Variants in HEPH observed in about 807,000 individuals in gnomAD.
HEPH encodes hephaestin.
HEPH carries 69 observed loss-of-function variants against 80.8 expected under a neutral mutation model. The observed-to-expected ratio is 0.85, with a 90% confidence interval of 0.70 to 1.04. The LOEUF is 1.04. Among genes scored for constraint, HEPH ranks in the 50% least tolerant of loss-of-function variants. The pLI is 0.00. For synonymous variants in HEPH, 431 were observed against 322.8 expected (o/e 1.34, Z -3.60); for missense variants, 1,115 against 891.3 (o/e 1.25, Z -3.20).
intron 10 of HEPH, among the ~76,000 whole-genome samples, chrX:66,198,650 A>T (rs749927688): frequency 9.1e-6 from 1 of 110,152 alleles, no homozygotes; most frequent in Admixed American, 9.7e-5. Context: ...GCCCACTTTC[A>T]TACAGTCTTC....
intron 6 of HEPH, among the ~76,000 whole-genome samples, chrX:66,190,725 G>A (rs2087743645): frequency 8.9e-6 from 1 of 111,796 alleles, no homozygotes; most frequent in Non-Finnish European, 1.9e-5. Flanking sequence ...TACTTGAAGT[G>A]GATTTTAGTA....
At chrX:66,245,306 CA>C (rs755434687) in intron 15 of HEPH, among the ~76,000 whole-genome samples, 1 of 110,246 alleles carries the variant, frequency 9.1e-6, no homozygotes, top group Non-Finnish European at 1.9e-5. Context: ...AAATGGAAAA[CA>C]AAAAAAGGCA....
intron 15 of HEPH, among the ~76,000 whole-genome samples, chrX:66,238,324 C>T (rs2090439666): frequency 9.0e-6 from 1 of 111,198 alleles, no homozygotes; most frequent in Non-Finnish European, 1.9e-5. Context: ...GAGCAAATTC[C>T]CTTGACATTT....
At chrX:66,238,770 TGA>T (rs1458757562) in intron 15 of HEPH, among the ~76,000 whole-genome samples, 1 of 111,901 alleles carries the variant, frequency 8.9e-6, no homozygotes, top group East Asian at 2.8e-4. Context: ...CCTTCAGAGC[TGA>T]GAGCCCCAAA....
At chrX:66,260,385 C>T in intron 19 of HEPH, 123 bp downstream of exon 19, 2 of 505,739 alleles carry the variant, frequency 4.0e-6, no homozygotes, top group Non-Finnish European at 6.5e-6. Context: ...GGTCTTAAGG[C>T]AGAGCATAGC....
intron 15 of HEPH, among the ~76,000 whole-genome samples, chrX:66,239,660 C>A (rs1320724070): frequency 2.7e-5 from 3 of 111,712 alleles, no homozygotes; most frequent in Non-Finnish European, 5.6e-5. Context: ...TAGACCCTGA[C>A]CTCATAGAGC....
At chrX:66,210,689 A>C (rs1241739827) in intron 15 of HEPH, among the ~76,000 whole-genome samples, 1 of 111,775 alleles carries the variant, frequency 8.9e-6, no homozygotes, top group Non-Finnish European at 1.9e-5. Flanking sequence ...TAATGGCTTA[A>C]ACAAAGGTAA....
At chrX:66,235,760 A>T (rs2090334878) in intron 15 of HEPH, among the ~76,000 whole-genome samples, 2 of 112,177 alleles carry the variant, frequency 1.8e-5, no homozygotes, top group Admixed American at 1.9e-4. Flanking sequence ...TGATAGGAAT[A>T]GCATTGAATC....
At position 66,197,885 on chromosome X, in the gene HEPH, TG is replaced by T; in HGVS notation, c.1706del (p.Gly569AlafsTer102). On this transcript the variant is annotated frameshift_variant, in exon 10 of 21. Transcript: ENST00000343002. LOFTEE classifies it high-confidence loss of function. ...VCRAGALGAD[G>X]KQKGVDKEFF... Reference sequence around the variant, plus strand: ...GCAGGGCTGGTGCCTTGGGTGCAGATGGCAAGCAGGTATTGTCAGGGTTATC... The same window carrying T: ...GCAGGGCTGGTGCCTTGGGTGCAGATGCAAGCAGGTATTGTCAGGGTTATC... The T allele has an allele frequency of 5.0e-6, 6 of 1,195,587 alleles. No individual in the cohort carries two copies. Among genetic ancestry groups the T allele is most frequent in the Non-Finnish European group, 6.8e-6 (6 of 886,943 alleles).
chrX:66,217,430 A>G (rs923259207), intron 15 of HEPH, among the ~76,000 whole-genome samples: 2 of 111,631 alleles, frequency 1.8e-5, no homozygotes, highest in African/African-American at 3.3e-5. Context: ...AACCAGCAAA[A>G]CTAAGCTTCG....
In HEPH at chrX:66,173,785, C is replaced by T; in HGVS notation, c.609C>T (p.Leu203=). 1 of 1,187,270 alleles carries T rather than the reference C, an allele frequency of 8.4e-7. No individual in the cohort carries two copies. Residue 203 remains leucine, a synonymous_variant, in exon 4 of 21, where the codon CTC becomes CTT. Coordinates refer to ENST00000343002, the MANE Select transcript of HEPH (RefSeq NM_001367233.3). ...TTGCAACTGGCCTAATTGGGCCTCT[C>T]ATCACCTGTAAAAGAGGTACAGGTC... The part of the protein sequence containing the change: ...RDIATGLIGP[L]ITCKRGALDG...
intron 12 of HEPH, 54 bp downstream of exon 12, chrX:66,200,806 T>C: frequency 1.0e-6 from 1 of 1,004,678 alleles, no homozygotes; most frequent in Non-Finnish European, 1.4e-6. Flanking sequence ...GGGCCAGGAA[T>C]GGGGTCGGGA....
chrX:66,236,451 C>A (rs1174324146), intron 15 of HEPH, among the ~76,000 whole-genome samples: 1 of 111,474 alleles, frequency 9.0e-6, no homozygotes, highest in East Asian at 2.8e-4. Context: ...ATCTTGCATC[C>A]CAGGGATAAA....
At chrX:66,170,297 T>C in intron 1 of HEPH, 1 of 264,289 alleles carries the variant, frequency 3.8e-6, no homozygotes, top group Non-Finnish European at 6.8e-6. Flanking sequence ...TTGAAAAAAC[T>C]GGATCCAGAT....
intron 15 of HEPH, among the ~76,000 whole-genome samples, chrX:66,245,352 T>A (rs1316351246): frequency 2.7e-5 from 3 of 111,305 alleles, no homozygotes; most frequent in African/African-American, 9.8e-5. Context: ...AAAACAGACT[T>A]TCAACCAACA....
chrX:66,254,300 A>G lies in HEPH; in HGVS notation c.2564-735A>G, dbSNP rs970708846. 3.6e-4 allele frequency among the ~76,000 whole-genome samples: 40 copies of G among 111,264 alleles called. 1 individual carries two copies. The Middle Eastern group carries it at 0.014, about 38-fold the overall frequency. On this transcript the variant is annotated intron_variant, in intron 15 of 20. Coordinates refer to ENST00000343002, the MANE Select transcript of HEPH (RefSeq NM_001367233.3). The stretch of plus-strand genomic sequence containing the variant: ...AAAATATAGGGTAGAGGTATAATCA[A>G]TAAGACCTGCCATTTGGTTAGATGT...
intron 9 of HEPH, among the ~76,000 whole-genome samples, chrX:66,196,433 A>G (rs1032975405): frequency 1.8e-5 from 2 of 112,172 alleles, no homozygotes; most frequent in African/African-American, 6.5e-5. Context: ...ATGAATGAAT[A>G]AGGAAAGGTA....
chrX:66,220,723 C>A (rs2089608094), intron 15 of HEPH, among the ~76,000 whole-genome samples: 1 of 111,190 alleles, frequency 9.0e-6, no homozygotes, highest in South Asian at 3.9e-4. Context: ...CTTGTTTGGG[C>A]ACCCCTTTTT....
Position 66,164,266 on chromosome X carries a change from T to C in HEPH, c.-218T>C. 1 of 753,705 alleles carries C rather than the reference T, an allele frequency of 1.3e-6. No individual in the cohort carries two copies. The highest frequency in any genetic ancestry group is 1.6e-6 in the Non-Finnish European group (1 of 638,867). 62.1% of individuals were successfully genotyped at this position (753,705 alleles called of 1,213,427 possible). ...CAGGACATTCCAGTAGTTTTGTTTC[T>C]GGAAAAGAGGGCACCCAGCCCTTCC... On this transcript the variant is annotated 5_prime_UTR_variant, in exon 1 of 21. Coordinates refer to ENST00000343002, the MANE Select transcript of HEPH (RefSeq NM_001367233.3).
Sources: gnomAD v4.1 joint callset for allele counts (sites outside exome capture counted in the v4.1 genomes callset) on GRCh38, gnomAD v4.1.1 for gene constraint, MANE v1.5 for transcripts, NCBI Gene and HGNC (gene_info 2026-07-23, HGNC 2026-07-21) for gene names.